The following HYOU1 variants were observed in gnomAD, a reference collection of about 807,000 sequenced individuals.
HYOU1 encodes the protein hypoxia up-regulated protein 1.
Under a neutral mutation model 120.5 loss-of-function variants are expected in HYOU1, and 40 were observed. The observed-to-expected ratio is 0.33, with a 90% CI of 0.26 to 0.43. The LOEUF (loss-of-function observed/expected upper bound fraction) is 0.43. Among genes scored for constraint, HYOU1 ranks in the 20% least tolerant of loss-of-function variants. The pLI, the probability that HYOU1 is intolerant of heterozygous loss-of-function variation, is 1.00. For synonymous variants in HYOU1, 501 were observed against 479.4 expected, an observed-to-expected ratio of 1.05 and a Z score of -0.59; for missense variants, 1,085 against 1,278.3, an observed-to-expected ratio of 0.85 and a Z score of 2.31.
rs1183908221 is a variant in HYOU1, at chr11:119,056,177, G to A, written c.-7-10C>T. ...GTCTGCCATAGTGCCCCTGGGGGAG[G>A]CGAAGAAAGAAAACACTTAAAACTG... On this transcript the variant is annotated splice_polypyrimidine_tract_variant and intron_variant, in intron 1 of 25. Coordinates refer to ENST00000617285, the MANE Select transcript of HYOU1 (RefSeq NM_006389.5). The A allele has an allele frequency of 1.2e-6, 2 of 1,602,124 alleles. No homozygotes were observed. The highest frequency in any genetic ancestry group is 1.7e-6 in the Non-Finnish European group (2 of 1,170,566).
chr11:119,056,020 C>A, intron 2 of HYOU1, 50 bp downstream of exon 2: 1 of 1,518,954 alleles, frequency 6.6e-7, no homozygotes, highest in South Asian at 1.1e-5. Context: ...TCCCATCATG[C>A]ATCCTTCAGT....
chr11:119,056,693 CCCCT>C, intron 1 of HYOU1: 1 of 276,228 alleles, frequency 3.6e-6, no homozygotes, highest in South Asian at 3.4e-5. Context: ...CCCGCCCCCT[CCCCT>C]TTCCCAGCTC....
At chr11:119,049,918 T>C in intron 14 of HYOU1, 81 bp from the exon 15 acceptor site, 2 of 1,219,368 alleles carry the variant, frequency 1.6e-6, no homozygotes, top group Non-Finnish European at 2.4e-6. Context: ...GGGTGTTTGC[T>C]TATGCACACT....
rs2133606809 is a variant in HYOU1, at chr11:119,054,664, T to C, written c.508A>G (p.Lys170Glu). The C allele has an allele frequency of 3.0e-5, 48 of 1,612,210 alleles. No homozygotes were observed. The highest frequency in any genetic ancestry group is 3.9e-5 in the Non-Finnish European group (46 of 1,179,920). The change falls in exon 7 of 26, where the codon AAG becomes GAG. Residue 170 changes from lysine (K) to glutamate (E), a missense_variant. Around this residue, in one of 4 missense-constraint regions of HYOU1, gnomAD observed 515 missense variants for 677.8 expected, o/e 0.76. Coordinates refer to ENST00000617285, the MANE Select transcript of HYOU1 (RefSeq NM_006389.5). ...LAEDFAEQPI[K>E]DAVITVPVFF... ...ACTGGCACGGTGATCACTGCATCCT[T>C]GATGGGCTGCTCTACAGATGACAAC... is the stretch of plus-strand genomic sequence containing the variant.
chr11:119,046,373 C>A, intron 24 of HYOU1, 44 bp downstream of exon 24: 2 of 1,600,666 alleles, frequency 1.2e-6, no homozygotes, highest in South Asian at 2.2e-5. Flanking sequence ...TACCCCTGGG[C>A]TAATGCAACA....
Position 119,049,070 on chromosome 11 carries a change from G to A in HYOU1, c.1940C>T (p.Pro647Leu). ...TTTTTCTGTGGCCTTTTCTCCCTCA[G>A]GGGTTGCATCTCCCTTAGGTTCAGG... ...PPPEPKGDAT[P>L]EGEKATEKEN... Residue 647 changes from proline to leucine, a missense_variant, in exon 17 of 26, where the codon CCT becomes CTT. Physicochemically the swap from Pro to Leu is moderately conservative, Grantham distance 98. Around this residue, in one of 4 missense-constraint regions of HYOU1, gnomAD observed 516 missense variants for 517.1 expected, o/e 1.00. Transcript: ENST00000617285. 1 of 1,614,156 alleles carries A rather than the reference G, an allele frequency of 6.2e-7. No individual in the cohort carries two copies. Among genetic ancestry groups the A allele is most frequent in the East Asian group, 2.2e-5 (1 of 44,884 alleles).
rs146507043 is a variant in HYOU1, at chr11:119,052,743, T to C, written c.881A>G (p.Gln294Arg). ...GTTCTCCCGCACATCCTTTGCTCTC[T>C]GACCCTTGCGCTGCTCATTGAAAAG... ...AGLFNEQRKG[Q>R]RAKDVRENPR... The change falls in exon 9 of 26, where the codon CAG becomes CGG. Residue 294 changes from glutamine to arginine, a missense_variant. This residue lies in a region of HYOU1 where 515 missense variants were observed against 677.8 expected (regional missense o/e 0.76). Coordinates refer to ENST00000617285, the MANE Select transcript of HYOU1 (RefSeq NM_006389.5). The surrounding 1 kb of genome is among the most constrained non-coding windows in gnomAD (Gnocchi z 5.0). 19 of 1,614,122 alleles carry C rather than the reference T, an allele frequency of 1.2e-5. No individual in the cohort carries two copies. The highest frequency in any genetic ancestry group is 1.0e-4 in the Admixed American group (6 of 60,004).
At position 119,046,466 on chromosome 11, in the gene HYOU1, G is replaced by A; in HGVS notation, c.2838C>T (p.Gly946=). Reference sequence around the variant, plus strand: ...AAATGGGCTCTGCATCTTCAGTCTGGCCTAGAAGGAAACCAGGGGTAAGAC... The same window carrying A: ...AAATGGGCTCTGCATCTTCAGTCTGACCTAGAAGGAAACCAGGGGTAAGAC... The part of the protein sequence containing the change: ...DQGEKVIPPA[G]QTEDAEPISE... The change falls in exon 24 of 26, where the codon GGC becomes GGT. Residue 946 remains glycine, a splice_region_variant and synonymous_variant. Coordinates refer to ENST00000617285, the MANE Select transcript of HYOU1 (RefSeq NM_006389.5). The A allele has an allele frequency of 6.2e-7, 1 of 1,614,060 alleles. No homozygotes were observed. Among genetic ancestry groups the A allele is most frequent in the Non-Finnish European group, 8.5e-7 (1 of 1,180,012 alleles).
At position 119,052,880 on chromosome 11, in the gene HYOU1, G is replaced by C; in HGVS notation, c.795-51C>G. ...AAAGTGAAGAACACATGGAGTCCCC[G>C]CATCTGCACAGGAGCCTCTCATCCC... On this transcript the variant is annotated intron_variant, in intron 8 of 25. Coordinates refer to ENST00000617285, the MANE Select transcript of HYOU1 (RefSeq NM_006389.5). The surrounding 1 kb of genome is among the most constrained non-coding windows in gnomAD (Gnocchi z 5.0). The C allele has an allele frequency of 1.3e-6, 2 of 1,520,036 alleles. No individual in the cohort carries two copies. The highest frequency in any genetic ancestry group is 1.8e-6 in the Non-Finnish European group (2 of 1,120,514). 94.2% of individuals were successfully genotyped at this position (1,520,036 alleles called of 1,614,324 possible).
In HYOU1 at chr11:119,055,838, G is replaced by C; in HGVS notation, c.97C>G (p.Leu33Val). Residue 33 changes from leucine (L) to valine (V), a missense_variant, in exon 3 of 26, where the codon CTG becomes GTG. By Grantham distance (32) the Leu-to-Val change is conservative. Around this residue, in one of 4 missense-constraint regions of HYOU1, gnomAD observed 45 missense variants for 49.2 expected, o/e 0.91. Coordinates refer to ENST00000617285, the MANE Select transcript of HYOU1 (RefSeq NM_006389.5). This position sits in a 1 kb window ranked among gnomAD's most constrained non-coding sequence, Gnocchi z 4.0. ...CCCAGGTCCACAGACATCACTGCCA[G>C]TGTATCTGAAGGGAAAAGAGGTTTG... ...LADLLALSDT[L>V]AVMSVDLGSE... 6.2e-7 allele frequency: 1 copy of C among 1,613,700 alleles called. No individual in the cohort carries two copies. Among genetic ancestry groups the C allele is most frequent in the African/African-American group, 1.3e-5 (1 of 75,038 alleles).
intron 22 of HYOU1, 193 bp downstream of exon 22, chr11:119,047,541 C>T: frequency 3.5e-6 from 2 of 572,420 alleles, no homozygotes; most frequent in Non-Finnish European, 6.2e-6. Flanking sequence ...TTTGCTCCTC[C>T]AGGCTGATGA....
intron 6 of HYOU1, 38 bp from the exon 7 acceptor site, chr11:119,054,713 T>C (rs2133607578): frequency 1.0e-5 from 16 of 1,590,434 alleles, no homozygotes; most frequent in South Asian, 2.2e-5. Context: ...GCCGGCTCCA[T>C]ACCTTAGATG....
At position 119,053,009 on chromosome 11, in the gene HYOU1, C is replaced by T. The variant is rs185950341; in HGVS notation, c.795-180G>A. 168 of 575,278 alleles carry T rather than the reference C, an allele frequency of 2.9e-4. No individual in the cohort carries two copies. In the East Asian group the frequency reaches 3.0e-3, roughly 10 times the overall value. 35.6% of individuals were successfully genotyped at this position (575,278 alleles called of 1,614,324 possible). On this transcript the variant is annotated intron_variant, in intron 8 of 25. Transcript: ENST00000617285. ...ACTCTCTACAGCACAGCTGACACCT[C>T]GCAGTGACCCTTCTTCCACTCATTC...
In HYOU1 at chr11:119,052,500, A is replaced by G. The variant is rs1944502345; in HGVS notation, c.988-71T>C. 1 of 1,607,476 alleles carries G rather than the reference A, an allele frequency of 6.2e-7. No individual in the cohort carries two copies. Among genetic ancestry groups the G allele is most frequent in the African/African-American group, 1.3e-5 (1 of 74,916 alleles). Reference sequence around the variant, plus strand: ...CTCTCTTGGTGAGTAGGACAGAAACAAAAAGAATAGGTCTTTGGGAGGATG... The same window carrying G: ...CTCTCTTGGTGAGTAGGACAGAAACGAAAAGAATAGGTCTTTGGGAGGATG... On this transcript the variant is annotated intron_variant, in intron 9 of 25. Coordinates refer to ENST00000617285, the MANE Select transcript of HYOU1 (RefSeq NM_006389.5). The surrounding 1 kb of genome is among the most constrained non-coding windows in gnomAD (Gnocchi z 5.0).
Position 119,049,168 on chromosome 11 carries a change from G to A in HYOU1, c.1842C>T (p.Asp614=), listed in dbSNP as rs143887472. The change falls in exon 17 of 26, where the codon GAC becomes GAT. Residue 614 remains aspartate, a synonymous_variant. Transcript: ENST00000617285. ...TGAGCTCCACCTGCTCCCCAGGCTC[G>A]TCCTTGCTCCCCTCTGCAGGGCTCT... The part of the protein sequence containing the change: ...EEESPAEGSK[D]EPGEQVELKE... 62 of 1,609,910 alleles carry A rather than the reference G, an allele frequency of 3.9e-5. No individual in the cohort carries two copies. The African/African-American group carries it at 5.2e-4, about 14-fold the overall frequency.
At chr11:119,046,208 T>C (rs1326857106) in intron 24 of HYOU1, among the ~76,000 whole-genome samples, 5 of 151,694 alleles carry the variant, frequency 3.3e-5, no homozygotes, top group East Asian at 1.9e-4. Flanking sequence ...TCAGGTGATC[T>C]ACCCGCCTCA....
chr11:119,047,761 CGTT>C lies in HYOU1; in HGVS notation c.2565_2567del (p.Thr856del), dbSNP rs2133558088. On this transcript the variant is annotated inframe_deletion, in exon 22 of 26. Transcript: ENST00000617285. ...AGGTCTCATTGATGACTTTCTCTAA[CGTT>C]GTCATCTCCACCTCAGTGAAGATCT... 6.2e-7 allele frequency: 1 copy of C among 1,613,996 alleles called. No homozygotes were observed. Among genetic ancestry groups the C allele is most frequent in the South Asian group, 1.1e-5 (1 of 91,076 alleles).
chr11:119,047,710 G>T, intron 22 of HYOU1, 24 bp downstream of exon 22: 2 of 1,584,486 alleles, frequency 1.3e-6, no homozygotes, highest in Non-Finnish European at 1.7e-6. Context: ...TAAGTATCTG[G>T]TTAAGTATTT....
chr11:119,054,612 G>A lies in HYOU1; in HGVS notation c.560C>T (p.Ala187Val). 1 of 1,614,138 alleles carries A rather than the reference G, an allele frequency of 6.2e-7. No individual in the cohort carries two copies. The highest frequency in any genetic ancestry group is 8.5e-7 in the Non-Finnish European group (1 of 1,180,028). Residue 187 changes from alanine to valine, a missense_variant, in exon 7 of 26, where the codon GCT (alanine) becomes GTT (valine). Ala to Val is a moderately conservative substitution (Grantham distance 64). Transcript: ENST00000617285. ...AGCCATACGAGCAGCCTGCAGCACA[G>A]CTCGGCGCTCGGCCTGGTTGAAGAA... Reference protein sequence around the residue: ...PVFFNQAERRAVLQAARMAGL... With the variant: ...PVFFNQAERRVVLQAARMAGL...
Sources: gnomAD v4.1 joint callset for allele counts (sites outside exome capture counted in the v4.1 genomes callset) on GRCh38, gnomAD v4.1.1 for gene constraint, gnomAD v4.1.1 regional missense constraint, Gnocchi (gnomAD v3.1) non-coding constraint, MANE v1.5 for transcripts, NCBI Gene and HGNC (gene_info 2026-07-23, HGNC 2026-07-21) for gene names.